Variants in ABHD2 observed in about 807,000 individuals in gnomAD.
The protein encoded by ABHD2 is abhydrolase domain containing 2, acylglycerol lipase, also known as monoacylglycerol lipase ABHD2.
ABHD2 carries 20 observed loss-of-function variants against 48.1 expected under a neutral mutation model. The observed-to-expected ratio is 0.42, with a 90% confidence interval of 0.29 to 0.60. The LOEUF (loss-of-function observed/expected upper bound fraction) is 0.60, where lower values mean the gene tolerates loss of function less well. ABHD2 is among the 20% of genes least tolerant of loss of function. The pLI is 0.24. For missense variants in ABHD2, 405 were observed against 550.9 expected (o/e 0.74, Z 2.65); for synonymous variants, 209 against 214.2 (o/e 0.98, Z 0.21).
chr15:89,151,795 G>T lies in ABHD2; in HGVS notation c.313G>T (p.Asp105Tyr). The T allele has an allele frequency of 6.2e-7, 1 of 1,614,246 alleles. No homozygotes were observed. Among genetic ancestry groups the T allele is most frequent in the Non-Finnish European group, 8.5e-7 (1 of 1,180,040 alleles). Residue 105 changes from aspartate to tyrosine, a missense_variant, in exon 4 of 11, where the codon GAT becomes TAT. Coordinates refer to ENST00000352732, the MANE Select transcript of ABHD2 (RefSeq NM_152924.5). The surrounding 1 kb of genome is among the most constrained non-coding windows in gnomAD (Gnocchi z 4.7). ...GCACCGGAAGTTCATCACTATGTCT[G>T]ATGGAGCCACTTCTACATTCGACCT... Reference protein sequence around the residue: ...YGHRKFITMSDGATSTFDLFE... With the variant: ...YGHRKFITMSYGATSTFDLFE...
chr15:89,132,135 G>A (rs2050229663), intron 3 of ABHD2, among the ~76,000 whole-genome samples: 1 of 152,316 alleles, frequency 6.6e-6, no homozygotes. Flanking sequence ...GGGAATAGCA[G>A]CATCCAACAA....
the ABHD2 span, among the ~76,000 whole-genome samples, chr15:89,072,214 G>A: frequency 6.6e-6 from 1 of 152,272 alleles, no homozygotes; most frequent in South Asian, 2.1e-4. Context: ...AGTGGCTCAT[G>A]CCTGTAATCC....
chr15:89,135,146 T>TTCTTTC lies in ABHD2; in HGVS notation c.195-16530_195-16529insCTTTCT, dbSNP rs1479265874. Among the ~76,000 whole-genome samples the TTCTTTC allele has an allele frequency of 6.6e-3, 929 of 140,722 alleles. 11 individuals carry two copies. The highest frequency in any genetic ancestry group is 0.023 in the African/African-American group (875 of 38,784). The allele number at this position is 140,722 out of a possible 152,430, so 92.3% of individuals were successfully genotyped here. The stretch of plus-strand genomic sequence containing the variant: ...AACAAAATGGCTACAACTTTTTCTT[T>TTCTTTC]TTTTTTTTTTTTTTTGCAATTACAG... On this transcript the variant is annotated intron_variant, in intron 3 of 10. Coordinates refer to ENST00000352732, the MANE Select transcript of ABHD2 (RefSeq NM_152924.5).
intron 1 of ABHD2, among the ~76,000 whole-genome samples, chr15:89,111,061 ACAGT>A (rs1396075172): frequency 1.3e-5 from 2 of 152,196 alleles, no homozygotes; most frequent in African/African-American, 4.8e-5. Context: ...TTTCCCCCTG[ACAGT>A]CAGAAAGCTC....
chr15:89,083,158 TTTTG>T (rs1901307949), upstream of ABHD2, among the ~76,000 whole-genome samples: 1 of 152,088 alleles, frequency 6.6e-6, no homozygotes, highest in African/African-American at 2.4e-5. This position sits in a 1 kb window ranked among gnomAD's most constrained non-coding sequence, Gnocchi z 5.1. Context: ...CCCGGCCTGT[TTTTG>T]TTTTTTTGTG....
At chr15:89,172,175 T>C (rs2050940686) in intron 5 of ABHD2, among the ~76,000 whole-genome samples, 1 of 152,208 alleles carries the variant, frequency 6.6e-6, no homozygotes, top group African/African-American at 2.4e-5. Flanking sequence ...AATTTCATCC[T>C]AACCATTTTT....
At chr15:89,041,680 C>T in the ABHD2 span, among the ~76,000 whole-genome samples, 1 of 152,218 alleles carries the variant, frequency 6.6e-6, no homozygotes, top group African/African-American at 2.4e-5. Context: ...CAGTGAGAGG[C>T]AGAGTTGAGG....
At chr15:89,083,420 T>C (rs139062988), upstream of ABHD2, among the ~76,000 whole-genome samples, 177 of 152,364 alleles carry the variant, frequency 1.2e-3, no homozygotes, top group African/African-American at 3.9e-3. The surrounding 1 kb of genome is among the most constrained non-coding windows in gnomAD (Gnocchi z 5.1). Context: ...GCCAGTCACC[T>C]GTCAGATATT....
In ABHD2 at chr15:89,137,083, TTGAC is replaced by T. The variant is rs1443158554; in HGVS notation, c.195-14591_195-14588del. Among the ~76,000 whole-genome samples the T allele has an allele frequency of 5.3e-5, 8 of 152,202 alleles. No homozygotes were observed. The highest frequency in any genetic ancestry group is 1.9e-4 in the African/African-American group (8 of 41,452). On this transcript the variant is annotated intron_variant, in intron 3 of 10. Transcript: ENST00000352732. This position sits in a 1 kb window ranked among gnomAD's most constrained non-coding sequence, Gnocchi z 4.8. ...TCTCCTAAAGTTAGGTCACTAATCT[TTGAC>T]TGGCTGTTTGCAGGACCAGTTCTCT...
chr15:89,181,061 A>C (rs754105004), intron 6 of ABHD2, among the ~76,000 whole-genome samples: 2 of 151,910 alleles, frequency 1.3e-5, no homozygotes, highest in Non-Finnish European at 2.9e-5. Context: ...CACCACCTCT[A>C]CTAGAAATAC....
chr15:89,065,313 A>G, the ABHD2 span, among the ~76,000 whole-genome samples: 31 of 152,312 alleles, frequency 2.0e-4, no homozygotes, highest in East Asian at 5.8e-3. Context: ...ATCATTGTCC[A>G]TAGCACATTT....
Position 89,120,102 on chromosome 15 carries a change from C to T in ABHD2, c.194+3581C>T, listed in dbSNP as rs1413925364. On this transcript the variant is annotated intron_variant, in intron 3 of 10. Coordinates refer to ENST00000352732, the MANE Select transcript of ABHD2 (RefSeq NM_152924.5). The surrounding 1 kb of genome is among the most constrained non-coding windows in gnomAD (Gnocchi z 4.2). ...AGAAAAAAAGTTGATGAAAGGTGAACATCGAAAGCATGCTCGAGGAGCAGG... is the reference window on the plus strand; with the variant it reads ...AGAAAAAAAGTTGATGAAAGGTGAATATCGAAAGCATGCTCGAGGAGCAGG... 6.6e-6 allele frequency among the ~76,000 whole-genome samples: 1 copy of T among 152,198 alleles called. No homozygotes were observed. Among genetic ancestry groups the T allele is most frequent in the Non-Finnish European group, 1.5e-5 (1 of 68,024 alleles).
rs571185166 is a variant in ABHD2, at chr15:89,120,058, C to A, written c.194+3537C>A. 6.6e-6 allele frequency among the ~76,000 whole-genome samples: 1 copy of A among 152,308 alleles called. No homozygotes were observed. Among genetic ancestry groups the A allele is most frequent in the Admixed American group, 6.5e-5 (1 of 15,298 alleles). Reference sequence around the variant, plus strand: ...TGACATGCGCGGAATCAGGACGTGTCTTCTTACTGTTCTGGTATAGAAAAA... The same window carrying A: ...TGACATGCGCGGAATCAGGACGTGTATTCTTACTGTTCTGGTATAGAAAAA... On this transcript the variant is annotated intron_variant, in intron 3 of 10. Coordinates refer to ENST00000352732, the MANE Select transcript of ABHD2 (RefSeq NM_152924.5). This position sits in a 1 kb window ranked among gnomAD's most constrained non-coding sequence, Gnocchi z 4.2.
At chr15:89,103,529 G>C (rs1217670290) in intron 1 of ABHD2, among the ~76,000 whole-genome samples, 1 of 152,166 alleles carries the variant, frequency 6.6e-6, no homozygotes, top group Non-Finnish European at 1.5e-5. Context: ...CTTCGCCCCT[G>C]TGTCATTCAG....
intron 3 of ABHD2, among the ~76,000 whole-genome samples, chr15:89,130,557 G>T (rs545393337): frequency 6.6e-6 from 1 of 152,116 alleles, no homozygotes; most frequent in Admixed American, 6.6e-5. Context: ...ACTAGAGACA[G>T]AAACTACAAA....
chr15:89,051,365 A>G, the ABHD2 span, among the ~76,000 whole-genome samples: 1 of 152,240 alleles, frequency 6.6e-6, no homozygotes, highest in African/African-American at 2.4e-5. Flanking sequence ...TTCACTCTCA[A>G]GAATCCTAAG....
chr15:89,058,852 C>G, the ABHD2 span, among the ~76,000 whole-genome samples: 1 of 151,416 alleles, frequency 6.6e-6, no homozygotes, highest in Non-Finnish European at 1.5e-5. Context: ...GGACAGAAGC[C>G]TGCAGTAATG....
Position 89,116,220 on chromosome 15 carries a change from G to A in ABHD2, c.-6-102G>A, listed in dbSNP as rs293396. On this transcript the variant is annotated intron_variant, in intron 2 of 10. Coordinates refer to ENST00000352732, the MANE Select transcript of ABHD2 (RefSeq NM_152924.5). This position sits in a 1 kb window ranked among gnomAD's most constrained non-coding sequence, Gnocchi z 4.6. The stretch of plus-strand genomic sequence containing the variant: ...GGAAACATCTGAATTGTGACACACC[G>A]TCACTGGCAGTATCTCTTAGCCCAC... 0.41 allele frequency: 445,140 copies of A among 1,089,536 alleles called. 93,702 individuals are homozygous for A. Among genetic ancestry groups the A allele is most frequent in the Non-Finnish European group, 0.44 (326,241 of 749,888 alleles). 67.5% of individuals were successfully genotyped at this position (1,089,536 alleles called of 1,614,324 possible). A position where few individuals can be genotyped will look rare whatever the true frequency, so the allele number is the denominator to read the frequency against.
At chr15:89,068,161 G>T in the ABHD2 span, among the ~76,000 whole-genome samples, 2 of 150,856 alleles carry the variant, frequency 1.3e-5, no homozygotes, top group Non-Finnish European at 2.9e-5. Context: ...TAGGGCCCAA[G>T]GGAGAAATTC....
Sources: allele counts gnomAD v4.1 joint callset (sites outside exome capture counted in the v4.1 genomes callset), GRCh38; gene constraint gnomAD v4.1.1; non-coding constraint Gnocchi (gnomAD v3.1); transcripts MANE v1.5; gene names NCBI Gene and HGNC (gene_info 2026-07-23, HGNC 2026-07-21).